The following LYN variants were observed in gnomAD, a reference collection of about 807,000 sequenced individuals.
LYN encodes tyrosine-protein kinase Lyn.
Under a neutral mutation model 65.0 loss-of-function variants are expected in LYN, and 12 were observed. That is an observed-to-expected ratio of 0.18 (90% CI 0.12 to 0.30). The LOEUF (loss-of-function observed/expected upper bound fraction) is 0.30. LYN is among the 10% of genes least tolerant of loss of function. The probability of loss-of-function intolerance (pLI) is 1.00; values close to 1 mark genes in which losing one functional copy is unlikely to be tolerated. For synonymous variants in LYN, 222 were observed against 221.2 expected (o/e 1.00, Z -0.03); for missense variants, 380 against 623.2 (o/e 0.61, Z 4.16).
At chr8:55,996,215 T>C (rs1808369462) in intron 10 of LYN, among the ~76,000 whole-genome samples, 1 of 152,134 alleles carries the variant, frequency 6.6e-6, no homozygotes. Context: ...ATTGACCATC[T>C]AGGGTGAGTA....
chr8:55,953,060 C>T (rs1397870114), intron 7 of LYN, among the ~76,000 whole-genome samples: 2 of 152,112 alleles, frequency 1.3e-5, no homozygotes, highest in Non-Finnish European at 2.9e-5. Context: ...AACGTGCTTC[C>T]GATTTTGTAG....
intron 10 of LYN, among the ~76,000 whole-genome samples, chr8:55,972,340 G>A (rs1184693087): frequency 2.0e-5 from 3 of 152,124 alleles, no homozygotes; most frequent in African/African-American, 7.2e-5. Flanking sequence ...TCAAGGTGGC[G>A]CTGGTGAGAC....
intron 1 of LYN, among the ~76,000 whole-genome samples, chr8:55,890,588 C>T (rs1030568712): frequency 6.6e-6 from 1 of 152,112 alleles, no homozygotes; most frequent in Non-Finnish European, 1.5e-5. Context: ...TGGGTATATA[C>T]CCCAAATAAC....
chr8:55,930,104 C>CA (rs1400168570), intron 1 of LYN, among the ~76,000 whole-genome samples: 1 of 152,154 alleles, frequency 6.6e-6, no homozygotes, highest in Non-Finnish European at 1.5e-5. Context: ...CTGAAACCAC[C>CA]ACCCCCCACC....
chr8:55,959,796 T>C (rs1016368163), intron 8 of LYN, among the ~76,000 whole-genome samples: 2 of 151,860 alleles, frequency 1.3e-5, no homozygotes, highest in African/African-American at 4.8e-5. Context: ...GGTGTATTCA[T>C]ACAATGGAGT....
At chr8:55,951,737 TATC>T (rs1224848988) in intron 6 of LYN, among the ~76,000 whole-genome samples, 1 of 151,788 alleles carries the variant, frequency 6.6e-6, no homozygotes, top group East Asian at 1.9e-4. Flanking sequence ...TTAAAAAAAT[TATC>T]ATGAAGAAAG....
At chr8:55,929,708 A>G (rs1455027971) in intron 1 of LYN, among the ~76,000 whole-genome samples, 5 of 152,236 alleles carry the variant, frequency 3.3e-5, no homozygotes, top group Non-Finnish European at 2.9e-5. Context: ...GGTAGAGGCC[A>G]AGGATGCTGC....
intron 10 of LYN, among the ~76,000 whole-genome samples, chr8:55,972,194 C>T (rs1331964535): frequency 3.3e-5 from 5 of 152,192 alleles, no homozygotes; most frequent in Non-Finnish European, 5.9e-5. Flanking sequence ...AGTCACGGGT[C>T]AGCAGCAGCC....
At chr8:55,981,467 G>GCT (rs1332684716) in intron 10 of LYN, among the ~76,000 whole-genome samples, 1 of 152,100 alleles carries the variant, frequency 6.6e-6, no homozygotes, top group African/African-American at 2.4e-5. Flanking sequence ...TTTATTCTCT[G>GCT]CTTCATACAG....
intron 8 of LYN, among the ~76,000 whole-genome samples, chr8:55,963,231 A>T (rs1213109809): frequency 6.6e-6 from 1 of 152,184 alleles, no homozygotes; most frequent in African/African-American, 2.4e-5. Context: ...GGTGAGTGGG[A>T]GTGGATTTGC....
chr8:55,901,225 G>A (rs1255695377), intron 1 of LYN, among the ~76,000 whole-genome samples: 1 of 152,044 alleles, frequency 6.6e-6, no homozygotes, highest in African/African-American at 2.4e-5. Context: ...TCTCCGATTA[G>A]AATAGCAGTT....
intron 1 of LYN, among the ~76,000 whole-genome samples, chr8:55,927,830 T>C (rs992393193): frequency 2.0e-5 from 3 of 150,282 alleles, no homozygotes; most frequent in African/African-American, 7.3e-5. Context: ...AGCGAGACTC[T>C]GTCCCAAGGG....
intron 7 of LYN, 67 bp from the exon 8 acceptor site, chr8:55,953,765 C>G (rs1293268102): frequency 6.6e-7 from 1 of 1,503,854 alleles, no homozygotes; most frequent in Non-Finnish European, 9.0e-7. Flanking sequence ...TTCAACTTTT[C>G]TTTATAGACA....
At chr8:55,983,263 G>A (rs977353482) in intron 10 of LYN, among the ~76,000 whole-genome samples, 7 of 152,164 alleles carry the variant, frequency 4.6e-5, no homozygotes, top group Admixed American at 3.9e-4. Context: ...TCTCTCTGTG[G>A]ATTCCCTGCT....
At position 56,011,315 on chromosome 8, in the gene LYN, A is replaced by G. The variant is rs1808811072; in HGVS notation, c.*1205A>G. The stretch of plus-strand genomic sequence containing the variant: ...CTGTATCACATGATGTGTTTCACTT[A>G]TGCTGTTGTGTATATACCTAATATT... On this transcript the variant is annotated 3_prime_UTR_variant, in exon 13 of 13. Coordinates refer to ENST00000519728, the MANE Select transcript of LYN (RefSeq NM_002350.4). 4.5e-6 allele frequency: 1 copy of G among 223,016 alleles called. No individual in the cohort carries two copies. The highest frequency in any genetic ancestry group is 2.2e-5 in the African/African-American group (1 of 44,790). The allele number at this position is 223,016 out of a possible 1,614,324, so 13.8% of individuals were successfully genotyped here. A position where few individuals can be genotyped will look rare whatever the true frequency, so the allele number is the denominator to read the frequency against.
At position 55,936,595 on chromosome 8, in the gene LYN, G is replaced by A. The variant is rs532898898; in HGVS notation, c.-5-5260G>A. Among the ~76,000 whole-genome samples, 5 of 152,144 alleles carry A rather than the reference G, an allele frequency of 3.3e-5. No homozygotes were observed. In the East Asian group the frequency reaches 7.7e-4, roughly 24 times the overall value. The stretch of plus-strand genomic sequence containing the variant: ...GCAGAGTTTGCAGTGAGCAGAGATC[G>A]CGCCATTGCACTCCAGCCTGGGTGA... On this transcript the variant is annotated intron_variant, in intron 1 of 12. Coordinates refer to ENST00000519728, the MANE Select transcript of LYN (RefSeq NM_002350.4).
intron 1 of LYN, among the ~76,000 whole-genome samples, chr8:55,914,982 A>G (rs1055740959): frequency 3.9e-5 from 6 of 152,348 alleles, no homozygotes; most frequent in Admixed American, 6.5e-5. Flanking sequence ...AGGGTAATTT[A>G]ATAATTGTGA....
At chr8:55,880,833 C>T (rs1804634336) in intron 1 of LYN, among the ~76,000 whole-genome samples, 1 of 152,200 alleles carries the variant, frequency 6.6e-6, no homozygotes, top group African/African-American at 2.4e-5. Flanking sequence ...AGAGTCAGTT[C>T]CCACTTTCCT....
At chr8:55,940,916 T>G (rs566257776) in intron 1 of LYN, among the ~76,000 whole-genome samples, 5 of 152,290 alleles carry the variant, frequency 3.3e-5, no homozygotes, top group Admixed American at 1.3e-4. Context: ...TAGCATGGCT[T>G]GCGGAGACCG....
Sources: gnomAD v4.1 joint callset for allele counts (sites outside exome capture counted in the v4.1 genomes callset) on GRCh38, gnomAD v4.1.1 for gene constraint, MANE v1.5 for transcripts, NCBI Gene and HGNC (gene_info 2026-07-23, HGNC 2026-07-21) for gene names.